The following VRK1 variants were observed in gnomAD, a reference collection of about 807,000 sequenced individuals.
VRK1 encodes the protein VRK serine/threonine kinase 1.
In VRK1, 33 loss-of-function variants were observed where a neutral mutation model predicts 57.1. The ratio of observed to expected loss-of-function variants is 0.58; its 90% CI spans 0.44 to 0.77. The LOEUF is 0.77. Ranked by LOEUF, VRK1 falls within the 30% of genes least tolerant of loss-of-function variation. The pLI is 0.00. For synonymous variants in VRK1, 137 were observed against 147.8 expected, an observed-to-expected ratio of 0.93 and a Z score of 0.53; for missense variants, 413 against 477.3, an observed-to-expected ratio of 0.87 and a Z score of 1.25.
At chr14:96,825,920 C>T (rs546884329) in intron 1 of VRK1, among the ~76,000 whole-genome samples, 3 of 152,094 alleles carry the variant, frequency 2.0e-5, no homozygotes, top group Non-Finnish European at 2.9e-5. Flanking sequence ...AGTAGTCATT[C>T]AGTATATAAC....
intron 12 of VRK1, chr14:96,877,724 C>A: frequency 1.0e-6 from 1 of 954,580 alleles, no homozygotes; most frequent in Non-Finnish European, 1.2e-6. Flanking sequence ...AAGGCAGAGT[C>A]TCAGCTGCGC....
chr14:96,875,970 A>C, intron 11 of VRK1, 60 bp from the exon 12 acceptor site: 1 of 1,539,270 alleles, frequency 6.5e-7, no homozygotes, highest in Non-Finnish European at 8.9e-7. Flanking sequence ...ATATGTGATG[A>C]GTTTGTAGTT....
At chr14:96,805,289 G>A (rs554838038) in intron 1 of VRK1, among the ~76,000 whole-genome samples, 4 of 152,210 alleles carry the variant, frequency 2.6e-5, no homozygotes, top group South Asian at 2.1e-4. Context: ...AAGAATTTCC[G>A]GACAGTAAAG....
intron 11 of VRK1, among the ~76,000 whole-genome samples, chr14:96,864,959 T>A (rs1344339722): frequency 6.6e-6 from 1 of 152,138 alleles, no homozygotes; most frequent in Non-Finnish European, 1.5e-5. Context: ...TTCTTTTGAT[T>A]TGCCAGAGTT....
Position 96,853,137 on chromosome 14 carries a change from C to A in VRK1, c.547C>A (p.Leu183Ile), listed in dbSNP as rs1221741944. 6.2e-7 allele frequency: 1 copy of A among 1,613,582 alleles called. No homozygotes were observed. Among genetic ancestry groups the A allele is most frequent in the East Asian group, 2.2e-5 (1 of 44,876 alleles). The part of the protein sequence containing the change: ...YVHGDIKASN[L>I]LLNYKNPDQV... ...GCATGGAGATATCAAGGCCTCAAATCTTCTTCTGAACTACAAGAATCCTGA... is the reference window on the plus strand; with the variant it reads ...GCATGGAGATATCAAGGCCTCAAATATTCTTCTGAACTACAAGAATCCTGA... Residue 183 changes from leucine (L) to isoleucine (I), a missense_variant, in exon 7 of 13, where the codon CTT (leucine) becomes ATT (isoleucine). This residue lies in a region of VRK1 where 151 missense variants were observed against 225.5 expected (regional missense o/e 0.67). Coordinates refer to ENST00000216639, the MANE Select transcript of VRK1 (RefSeq NM_003384.3).
chr14:96,834,176 G>C (rs1887124539), intron 2 of VRK1, among the ~76,000 whole-genome samples: 1 of 152,074 alleles, frequency 6.6e-6, no homozygotes. Context: ...ATTATGTTAG[G>C]TTAACTAAAT....
intron 11 of VRK1, among the ~76,000 whole-genome samples, chr14:96,862,072 C>A (rs939584182): frequency 6.6e-6 from 1 of 152,142 alleles, no homozygotes; most frequent in Non-Finnish European, 1.5e-5. Context: ...CAACCACCTC[C>A]CTCCGCCCAA....
In VRK1 at chr14:96,856,257, G is replaced by A. The variant is rs2139804244; in HGVS notation, c.830+7G>A. ...TTAGAGATTCCAAAATTAGGTAAAG[G>A]AAAACTTAAGTTATTTCTAGCAAAA... On this transcript the variant is annotated splice_region_variant and intron_variant, in intron 9 of 12. Coordinates refer to ENST00000216639, the MANE Select transcript of VRK1 (RefSeq NM_003384.3). The A allele has an allele frequency of 6.2e-7, 1 of 1,612,232 alleles. No homozygotes were observed. Among genetic ancestry groups the A allele is most frequent in the Non-Finnish European group, 8.5e-7 (1 of 1,179,490 alleles).
At chr14:96,806,867 A>G (rs916901987) in intron 1 of VRK1, among the ~76,000 whole-genome samples, 1 of 146,552 alleles carries the variant, frequency 6.8e-6, no homozygotes, top group African/African-American at 2.6e-5. Context: ...CGCTCTGTCA[A>G]CCAGGCTGGA....
chr14:96,804,099 G>A (rs1885776200), intron 1 of VRK1, among the ~76,000 whole-genome samples: 1 of 152,084 alleles, frequency 6.6e-6, no homozygotes, highest in Admixed American at 6.5e-5. Flanking sequence ...CCTAACTCTA[G>A]GTCAGGAGGT....
intron 6 of VRK1, 25 bp from the exon 7 acceptor site, chr14:96,853,049 C>T: frequency 6.2e-7 from 1 of 1,612,272 alleles, no homozygotes; most frequent in Non-Finnish European, 8.5e-7. Context: ...ACTGCATTAA[C>T]TTATTCTGTA....
chr14:96,864,744 C>CT (rs1888518118), intron 11 of VRK1, among the ~76,000 whole-genome samples: 1 of 152,160 alleles, frequency 6.6e-6, no homozygotes, highest in African/African-American at 2.4e-5. Flanking sequence ...CAGTTGCTCA[C>CT]TGACACTAGC....
intron 12 of VRK1, among the ~76,000 whole-genome samples, chr14:96,879,178 T>C (rs1889154829): frequency 6.6e-6 from 1 of 152,140 alleles, no homozygotes; most frequent in South Asian, 2.1e-4. Context: ...AGTCTTCTGA[T>C]TGGACCCTTT....
chr14:96,849,461 C>G (rs963298595), intron 5 of VRK1, among the ~76,000 whole-genome samples: 1 of 150,284 alleles, frequency 6.7e-6, no homozygotes, highest in Non-Finnish European at 1.5e-5. Flanking sequence ...AAAAAAAAAA[C>G]CAAGCACGGT....
At chr14:96,879,444 T>G (rs1302554076) in intron 12 of VRK1, among the ~76,000 whole-genome samples, 3 of 152,224 alleles carry the variant, frequency 2.0e-5, no homozygotes, top group African/African-American at 7.2e-5. Context: ...AATTAAGACA[T>G]TAATGAGAAT....
intron 1 of VRK1, among the ~76,000 whole-genome samples, chr14:96,829,966 C>T (rs946544700): frequency 6.6e-6 from 1 of 152,114 alleles, no homozygotes; most frequent in Non-Finnish European, 1.5e-5. Flanking sequence ...ATTGATAACA[C>T]TTAGCAGTCT....
chr14:96,853,407 T>C (rs1277104554), intron 7 of VRK1, among the ~76,000 whole-genome samples: 1 of 152,166 alleles, frequency 6.6e-6, no homozygotes, highest in Admixed American at 6.5e-5. Flanking sequence ...TGATACAAAA[T>C]GAATTTCAAA....
chr14:96,800,686 T>C (rs1885623363), intron 1 of VRK1, among the ~76,000 whole-genome samples: 1 of 152,144 alleles, frequency 6.6e-6, no homozygotes, highest in African/African-American at 2.4e-5. Flanking sequence ...TACTCCTATC[T>C]CTCTATGGGT....
At chr14:96,881,051 G>T (rs1019911370) in intron 12 of VRK1, 126 bp from the exon 13 acceptor site, 25 of 842,746 alleles carry the variant, frequency 3.0e-5, no homozygotes, top group Non-Finnish European at 4.2e-5. Flanking sequence ...TTTTATCTTT[G>T]CAAATCACGA....
Sources: gnomAD v4.1 joint callset for allele counts (sites outside exome capture counted in the v4.1 genomes callset) on GRCh38, gnomAD v4.1.1 for gene constraint, gnomAD v4.1.1 regional missense constraint, MANE v1.5 for transcripts, NCBI Gene and HGNC (gene_info 2026-07-23, HGNC 2026-07-21) for gene names.